Variants in BIN1 observed in about 807,000 individuals in gnomAD.
BIN1 encodes bridging integrator 1.
Under a neutral mutation model 82.0 loss-of-function variants are expected in BIN1, and 53 were observed. The ratio of observed to expected loss-of-function variants is 0.65; its 90% CI spans 0.52 to 0.81. The LOEUF is 0.81. Among genes scored for constraint, BIN1 ranks in the 40% least tolerant of loss-of-function variants. The probability of loss-of-function intolerance (pLI) is 0.00; values close to 1 mark genes in which losing one functional copy is unlikely to be tolerated. For missense variants in BIN1, 642 were observed against 784.4 expected, an observed-to-expected ratio of 0.82 and a Z score of 2.17; for synonymous variants, 302 against 328.0, an observed-to-expected ratio of 0.92 and a Z score of 0.86.
Position 127,068,192 on chromosome 2 carries a change from C to G in BIN1, c.583G>C (p.Val195Leu). The change falls in exon 7 of 19, where the codon GTA becomes CTA. Residue 195 changes from valine (V) to leucine (L), a missense_variant. Transcript: ENST00000316724. The surrounding 1 kb of genome is among the most constrained non-coding windows in gnomAD (Gnocchi z 4.9). ...TTTCGGAGCAGGTTAGTTTGAGCTA[C>G]GAGATGAGCCTGCAGTTTGCCTTGG... ...WCQGKLQAHL[V>L]AQTNLLRNQA... 6.2e-7 allele frequency: 1 copy of G among 1,613,764 alleles called. No homozygotes were observed. Among genetic ancestry groups the G allele is most frequent in the Non-Finnish European group, 8.5e-7 (1 of 1,179,962 alleles).
chr2:127,078,192 CA>C (rs369229678), intron 1 of BIN1, among the ~76,000 whole-genome samples: 3,277 of 152,298 alleles, frequency 0.022, 137 homozygotes, highest in African/African-American at 0.075. Context: ...CTTCCCCCCC[CA>C]GCCAGGCCCA....
intron 1 of BIN1, among the ~76,000 whole-genome samples, chr2:127,097,745 C>T (rs550169108): frequency 1.1e-4 from 16 of 152,264 alleles, no homozygotes; most frequent in African/African-American, 2.6e-4. Flanking sequence ...TCAGGCAACA[C>T]GTGGGGAGGG....
At chr2:127,100,284 GC>G (rs1249148052) in intron 1 of BIN1, among the ~76,000 whole-genome samples, 1 of 152,168 alleles carries the variant, frequency 6.6e-6, no homozygotes, top group Non-Finnish European at 1.5e-5. Flanking sequence ...CAAAGTGCAA[GC>G]CTAGACCCCA....
intron 1 of BIN1, among the ~76,000 whole-genome samples, chr2:127,103,228 T>C (rs1680580233): frequency 6.6e-6 from 1 of 152,196 alleles, no homozygotes; most frequent in Admixed American, 6.5e-5. Flanking sequence ...GTAGCATTGC[T>C]GCTTCTGAGG....
intron 1 of BIN1, among the ~76,000 whole-genome samples, chr2:127,084,257 G>A (rs559080362): frequency 4.6e-5 from 7 of 152,304 alleles, no homozygotes; most frequent in African/African-American, 1.2e-4. Context: ...GCTGGAACCC[G>A]CTGTTACCCA....
At chr2:127,106,425 A>T (rs1681135787) in intron 1 of BIN1, among the ~76,000 whole-genome samples, 1 of 152,174 alleles carries the variant, frequency 6.6e-6, no homozygotes, top group Non-Finnish European at 1.5e-5. Flanking sequence ...GGGCAGAGGG[A>T]CATACTCCCT....
chr2:127,072,409 G>T (rs1377524699), intron 2 of BIN1, among the ~76,000 whole-genome samples: 3 of 152,200 alleles, frequency 2.0e-5, no homozygotes, highest in Non-Finnish European at 4.4e-5. Flanking sequence ...TCAGCGACCG[G>T]CCCAGTCACA....
chr2:127,081,415 C>T (rs1224566147), intron 1 of BIN1, among the ~76,000 whole-genome samples: 4 of 152,216 alleles, frequency 2.6e-5, no homozygotes, highest in African/African-American at 7.2e-5. Context: ...TCTTCGGGCT[C>T]ACCCGGCTGG....
chr2:127,055,454 T>G (rs1389862452), intron 12 of BIN1: 1 of 151,662 alleles, frequency 6.6e-6, no homozygotes, highest in Non-Finnish European at 1.5e-5. Flanking sequence ...CAGCTGACTT[T>G]CCTTTAGGTC....
In BIN1 at chr2:127,048,191, G is replaced by A. The variant is rs867025656; in HGVS notation, c.*335C>T. 2 of 376,298 alleles carry A rather than the reference G, an allele frequency of 5.3e-6. No individual in the cohort carries two copies. Among genetic ancestry groups the A allele is most frequent in the Admixed American group, 4.0e-5 (1 of 24,748 alleles). 23.3% of individuals were successfully genotyped at this position (376,298 alleles called of 1,614,324 possible). A position where few individuals can be genotyped will look rare whatever the true frequency, so the allele number is the denominator to read the frequency against. On this transcript the variant is annotated 3_prime_UTR_variant, in exon 19 of 19. Coordinates refer to ENST00000316724, the MANE Select transcript of BIN1 (RefSeq NM_139343.3). ...GGAAAAGAGGACCCTTGCCCGGGTG[G>A]CGCGGCCGAAGCTTCAGGCAAGCAT... is the stretch of plus-strand genomic sequence containing the variant.
In BIN1 at chr2:127,068,187, A is replaced by G. The variant is rs751324347; in HGVS notation, c.588T>C (p.Ala196=). ...CCTGATTTCGGAGCAGGTTAGTTTG[A>G]GCTACGAGATGAGCCTGCAGTTTGC... ...CQGKLQAHLV[A]QTNLLRNQAE... is the part of the protein sequence containing the mutation. The change falls in exon 7 of 19, where the codon GCT becomes GCC. Residue 196 remains alanine (A), a synonymous_variant. Coordinates refer to ENST00000316724, the MANE Select transcript of BIN1 (RefSeq NM_139343.3). This position sits in a 1 kb window ranked among gnomAD's most constrained non-coding sequence, Gnocchi z 4.9. 1 of 1,613,472 alleles carries G rather than the reference A, an allele frequency of 6.2e-7. No individual in the cohort carries two copies. Among genetic ancestry groups the G allele is most frequent in the Non-Finnish European group, 8.5e-7 (1 of 1,179,912 alleles).
At chr2:127,066,945 C>G (rs1685216442) in intron 7 of BIN1, among the ~76,000 whole-genome samples, 1 of 152,058 alleles carries the variant, frequency 6.6e-6, no homozygotes, top group Non-Finnish European at 1.5e-5. Context: ...GCAATGCGTG[C>G]CTGTGGTCCC....
Position 127,057,920 on chromosome 2 carries a change from G to C in BIN1, c.1003-319C>G, listed in dbSNP as rs1324500635. 6.6e-6 allele frequency among the ~76,000 whole-genome samples: 1 copy of C among 152,014 alleles called. No homozygotes were observed. The highest frequency in any genetic ancestry group is 2.4e-5 in the African/African-American group (1 of 41,378). ...AGAAGAGGCCCCAGGCTGCCCACTG[G>C]CCAACTGTGGGAGGGGCTGGCTCCC... On this transcript the variant is annotated intron_variant, in intron 11 of 18. Coordinates refer to ENST00000316724, the MANE Select transcript of BIN1 (RefSeq NM_139343.3). The surrounding 1 kb of genome is among the most constrained non-coding windows in gnomAD (Gnocchi z 5.0).
chr2:127,078,583 T>C (rs1427877266), intron 1 of BIN1, among the ~76,000 whole-genome samples: 1 of 152,082 alleles, frequency 6.6e-6, no homozygotes, highest in African/African-American at 2.4e-5. Flanking sequence ...ACCGATGATG[T>C]TGTGCTACAG....
chr2:127,104,569 C>A (rs1043766618), intron 1 of BIN1, among the ~76,000 whole-genome samples: 1 of 152,178 alleles, frequency 6.6e-6, no homozygotes, highest in Admixed American at 6.5e-5. Flanking sequence ...TTCCTGTAGC[C>A]ACAGGGAAAC....
intron 1 of BIN1, among the ~76,000 whole-genome samples, chr2:127,077,659 T>C (rs6714626): frequency 1.1e-4 from 16 of 151,184 alleles, no homozygotes; most frequent in African/African-American, 3.4e-4. Flanking sequence ...GGAGCGGTGG[T>C]GGGGCACGGT....
Position 127,090,017 on chromosome 2 carries a change from C to T in BIN1, c.85-13311G>A, listed in dbSNP as rs953928002. ...ACCCCCAGCTCACATAAGCCTTCCC[C>T]GCACCTGCCGCCCAGTGCACCTGCT... On this transcript the variant is annotated intron_variant, in intron 1 of 18. Transcript: ENST00000316724. This position sits in a 1 kb window ranked among gnomAD's most constrained non-coding sequence, Gnocchi z 6.4. Among the ~76,000 whole-genome samples, 3 of 151,594 alleles carry T rather than the reference C, an allele frequency of 2.0e-5. No individual in the cohort carries two copies. Among genetic ancestry groups the T allele is most frequent in the Non-Finnish European group, 2.9e-5 (2 of 67,898 alleles).
intron 1 of BIN1, among the ~76,000 whole-genome samples, chr2:127,099,948 C>T (rs77057021): frequency 1.3e-5 from 2 of 151,354 alleles, no homozygotes; most frequent in Admixed American, 6.6e-5. Context: ...GGATTACAAG[C>T]GCCGCCACCA....
chr2:127,053,951 AG>A lies in BIN1; in HGVS notation c.1192del (p.Leu398SerfsTer4). 1 of 1,551,506 alleles carries A rather than the reference AG, an allele frequency of 6.4e-7. No homozygotes were observed. Among genetic ancestry groups the A allele is most frequent in the Non-Finnish European group, 8.7e-7 (1 of 1,147,052 alleles). On this transcript the variant is annotated frameshift_variant, in exon 13 of 19. Coordinates refer to ENST00000316724, the MANE Select transcript of BIN1 (RefSeq NM_139343.3). LOFTEE classifies it high-confidence loss of function. ...ASLLDLDFDP[L>X]PPVTSPVKAP... is the part of the protein sequence containing the mutation. ...CTTCACAGGGCTCGTCACGGGCGGG[AG>A]GGGGTCAAAGTCCAGGTCCAGCAGA...
Sources: gnomAD v4.1 joint callset for allele counts (sites outside exome capture counted in the v4.1 genomes callset) on GRCh38, gnomAD v4.1.1 for gene constraint, Gnocchi (gnomAD v3.1) non-coding constraint, MANE v1.5 for transcripts, NCBI Gene and HGNC (gene_info 2026-07-23, HGNC 2026-07-21) for gene names.